DOCK3: variants seen among roughly 807,000 people sequenced by gnomAD.
DOCK3 encodes dedicator of cytokinesis 3.
Under a neutral mutation model 265.6 loss-of-function variants are expected in DOCK3, and 60 were observed. The observed-to-expected ratio is 0.23, with a 90% CI of 0.18 to 0.28. DOCK3 has a LOEUF of 0.28. DOCK3 is among the 10% of genes least tolerant of loss of function. DOCK3 has a pLI of 1.00. For synonymous variants in DOCK3, 881 were observed against 938.0 expected (o/e 0.94, Z 1.11); for missense variants, 1,981 against 2,594.3 (o/e 0.76, Z 5.14).
chr3:51,009,351 T>C (rs2078839724), intron 5 of DOCK3, among the ~76,000 whole-genome samples: 1 of 152,198 alleles, frequency 6.6e-6, no homozygotes, highest in Non-Finnish European at 1.5e-5. Flanking sequence ...CTTGGGAGGA[T>C]GTATGTGTCC....
At chr3:51,330,285 A>G in intron 33 of DOCK3, 62 bp downstream of exon 33, 1 of 1,509,260 alleles carries the variant, frequency 6.6e-7, no homozygotes, top group Non-Finnish European at 9.0e-7. Context: ...GCCAATGAAA[A>G]GTAGAGGTTG....
chr3:50,881,793 A>G (rs973069254), intron 3 of DOCK3, among the ~76,000 whole-genome samples: 3 of 152,200 alleles, frequency 2.0e-5, no homozygotes, highest in African/African-American at 7.2e-5. Flanking sequence ...ACCAAAAAGG[A>G]GCCCGCATTG....
At position 50,991,027 on chromosome 3, in the gene DOCK3, A is replaced by T. The variant is rs758930268; in HGVS notation, c.315+56950A>T. Among the ~76,000 whole-genome samples the T allele has an allele frequency of 3.9e-5, 6 of 152,358 alleles. No individual in the cohort carries two copies. The South Asian group carries it at 6.2e-4, about 16-fold the overall frequency. ...CCAAACTAAGCTTCCTAAGTGAAGGATAAATAAGATCCTTTTCAGATAAAC... is the reference window on the plus strand; with the variant it reads ...CCAAACTAAGCTTCCTAAGTGAAGGTTAAATAAGATCCTTTTCAGATAAAC... On this transcript the variant is annotated intron_variant, in intron 5 of 52. Transcript: ENST00000266037.
intron 27 of DOCK3, among the ~76,000 whole-genome samples, chr3:51,307,162 C>T (rs2082730933): frequency 6.6e-6 from 1 of 152,046 alleles, no homozygotes; most frequent in Non-Finnish European, 1.5e-5. Context: ...CTGTATTGCT[C>T]AGGCTGTAGT....
At chr3:50,770,721 A>G (rs983155146) in intron 1 of DOCK3, among the ~76,000 whole-genome samples, 4 of 152,208 alleles carry the variant, frequency 2.6e-5, no homozygotes, top group Non-Finnish European at 5.9e-5. Context: ...GACCAATGGA[A>G]CAGAATAGAG....
intron 19 of DOCK3, among the ~76,000 whole-genome samples, chr3:51,230,158 T>C (rs2090485704): frequency 6.6e-6 from 1 of 152,226 alleles, no homozygotes. Context: ...AGTGGGTACA[T>C]GTGCAGGTTT....
At chr3:51,075,876 CA>C (rs1233083798) in intron 7 of DOCK3, among the ~76,000 whole-genome samples, 1 of 152,054 alleles carries the variant, frequency 6.6e-6, no homozygotes, top group Non-Finnish European at 1.5e-5. Flanking sequence ...TTGGTTATTA[CA>C]AAAATATGTT....
At chr3:50,742,442 C>T (rs62260154) in intron 1 of DOCK3, among the ~76,000 whole-genome samples, 13,407 of 150,754 alleles carry the variant, frequency 0.089, 686 homozygotes, top group Middle Eastern at 0.18. Context: ...AAGTTGAAAA[C>T]TTTGAAAAAA....
chr3:51,370,252 A>G (rs2087572986), intron 49 of DOCK3, among the ~76,000 whole-genome samples: 1 of 152,232 alleles, frequency 6.6e-6, no homozygotes, highest in South Asian at 2.1e-4. Context: ...CAGTTTCTGT[A>G]ATCCCTTCTG....
chr3:50,824,833 G>A (rs1014109861), intron 2 of DOCK3, among the ~76,000 whole-genome samples: 3 of 152,116 alleles, frequency 2.0e-5, no homozygotes, highest in African/African-American at 4.8e-5. Flanking sequence ...TGCCATGGTT[G>A]GTGTTCATTC....
intron 3 of DOCK3, among the ~76,000 whole-genome samples, chr3:50,865,835 A>G (rs917894635): frequency 1.3e-5 from 2 of 152,198 alleles, no homozygotes; most frequent in Admixed American, 6.5e-5. Flanking sequence ...TCTTTTGGAT[A>G]TAAGCCATTT....
At chr3:51,305,655 T>C (rs2109410267) in intron 27 of DOCK3, among the ~76,000 whole-genome samples, 1 of 151,844 alleles carries the variant, frequency 6.6e-6, no homozygotes, top group African/African-American at 2.4e-5. Context: ...CCTCCATTAC[T>C]GCCTTCTTTT....
intron 7 of DOCK3, among the ~76,000 whole-genome samples, chr3:51,081,048 A>G (rs1209680871): frequency 3.3e-5 from 5 of 152,320 alleles, no homozygotes; most frequent in South Asian, 2.1e-4. Context: ...ATTTCCATGA[A>G]TGAACATTAA....
intron 2 of DOCK3, among the ~76,000 whole-genome samples, chr3:50,817,737 T>A (rs77703689): frequency 9.3e-4 from 142 of 152,262 alleles, no homozygotes; most frequent in Non-Finnish European, 1.8e-3. Context: ...CTGAGTCTCC[T>A]TTTTCTCTCT....
At chr3:51,276,683 T>C (rs1011133380) in intron 25 of DOCK3, among the ~76,000 whole-genome samples, 6 of 152,112 alleles carry the variant, frequency 3.9e-5, no homozygotes, top group Non-Finnish European at 8.8e-5. Flanking sequence ...AGAGCAGAGA[T>C]ATTATCTCTC....
intron 1 of DOCK3, among the ~76,000 whole-genome samples, chr3:50,732,467 G>C (rs1173931183): frequency 6.6e-6 from 1 of 152,094 alleles, no homozygotes; most frequent in Non-Finnish European, 1.5e-5. Flanking sequence ...GCAGTGGCGT[G>C]ATACGTAGCT....
chr3:51,004,894 C>G (rs1007716258), intron 5 of DOCK3, among the ~76,000 whole-genome samples: 2 of 147,712 alleles, frequency 1.4e-5, no homozygotes, highest in African/African-American at 2.5e-5. Flanking sequence ...ACATCTTTAA[C>G]GTTTCATATT....
chr3:51,066,311 A>G (rs1553750208), intron 6 of DOCK3, among the ~76,000 whole-genome samples: 1 of 152,192 alleles, frequency 6.6e-6, no homozygotes, highest in Non-Finnish European at 1.5e-5. Flanking sequence ...TAATGAATGG[A>G]AAAACAAAAC....
At chr3:51,326,602 T>C (rs1254306586) in intron 32 of DOCK3, among the ~76,000 whole-genome samples, 7 of 148,130 alleles carry the variant, frequency 4.7e-5, no homozygotes, top group South Asian at 2.1e-4. Flanking sequence ...GTTGTTGTTG[T>C]TGTTGTTGTT....
Sources: allele counts gnomAD v4.1 joint callset (sites outside exome capture counted in the v4.1 genomes callset), GRCh38; gene constraint gnomAD v4.1.1; transcripts MANE v1.5; gene names NCBI Gene and HGNC (gene_info 2026-07-23, HGNC 2026-07-21).